The following SYCP1 variants were observed in gnomAD, a reference collection of about 807,000 sequenced individuals.
The protein encoded by SYCP1 is cancer/testis antigen 8.
In SYCP1, 64 loss-of-function variants were observed where a neutral mutation model predicts 153.1. The ratio of observed to expected loss-of-function variants is 0.42; its 90% confidence interval spans 0.34 to 0.51. The LOEUF (loss-of-function observed/expected upper bound fraction) is 0.51, where lower values mean the gene tolerates loss of function less well. Ranked by LOEUF, SYCP1 falls within the 20% of genes least tolerant of loss-of-function variation. The pLI is 0.06. For missense variants in SYCP1, 997 were observed against 1,049.0 expected, an observed-to-expected ratio of 0.95 and a Z score of 0.68; for synonymous variants, 384 against 341.8, an observed-to-expected ratio of 1.12 and a Z score of -1.36.
At chr1:114,894,050 T>A (rs967657766) in intron 15 of SYCP1, among the ~76,000 whole-genome samples, 1 of 151,900 alleles carries the variant, frequency 6.6e-6, no homozygotes, top group Non-Finnish European at 1.5e-5. Context: ...CTTTTATATA[T>A]ATTTTTTCTC....
chr1:114,951,103 C>T (rs898234959), intron 27 of SYCP1, among the ~76,000 whole-genome samples: 5 of 152,056 alleles, frequency 3.3e-5, no homozygotes, highest in African/African-American at 7.3e-5. Context: ...GGATTACAGG[C>T]GTGAGCCACC....
In SYCP1 at chr1:114,913,999, A is replaced by G; in HGVS notation, c.1672A>G (p.Met558Val). The change falls in exon 20 of 32, where the codon ATG becomes GTG. Residue 558 changes from methionine (M) to valine (V), a missense_variant. Around this residue, in one of 2 missense-constraint regions of SYCP1, gnomAD observed 712 missense variants for 682.9 expected, o/e 1.04. Transcript: ENST00000369522. ...GAATAACAAAAAGCAAGAAGAAAGG[A>G]TGTTGAAACAAATAGAAAATCTTCA... is the stretch of plus-strand genomic sequence containing the variant. ...INNNKKQEER[M>V]LKQIENLQET... 1 of 1,578,284 alleles carries G rather than the reference A, an allele frequency of 6.3e-7. No individual in the cohort carries two copies. The highest frequency in any genetic ancestry group is 1.8e-5 in the Admixed American group (1 of 55,172).
intron 27 of SYCP1, 149 bp downstream of exon 27, chr1:114,947,469 C>A: frequency 1.7e-6 from 1 of 600,060 alleles, no homozygotes; most frequent in Non-Finnish European, 2.9e-6. Context: ...TTTCTAGAAA[C>A]ATTTAGAATA....
intron 15 of SYCP1, among the ~76,000 whole-genome samples, chr1:114,893,690 T>C (rs1391446419): frequency 2.0e-5 from 3 of 152,208 alleles, no homozygotes; most frequent in African/African-American, 7.2e-5. Flanking sequence ...ACTCTCTAAG[T>C]ATAAGTATTC....
intron 29 of SYCP1, 125 bp from the exon 30 acceptor site, chr1:114,984,600 C>T: frequency 1.4e-6 from 1 of 728,850 alleles, no homozygotes; most frequent in Non-Finnish European, 1.9e-6. Context: ...CATATACTTG[C>T]CAATAATAAT....
chr1:114,926,291 G>A lies in SYCP1; in HGVS notation c.1814G>A (p.Arg605Lys). 1 of 1,522,910 alleles carries A rather than the reference G, an allele frequency of 6.6e-7. No individual in the cohort carries two copies. Among genetic ancestry groups the A allele is most frequent in the Non-Finnish European group, 8.8e-7 (1 of 1,130,204 alleles). 94.3% of individuals were successfully genotyped at this position (1,522,910 alleles called of 1,614,324 possible). The change falls in exon 22 of 32, where the codon AGG (arginine) becomes AAG (lysine). Residue 605 changes from arginine (R) to lysine (K), a missense_variant. By Grantham distance (26) the Arg-to-Lys change is conservative. This residue lies in a region of SYCP1 where 712 missense variants were observed against 682.9 expected (regional missense o/e 1.04). Transcript: ENST00000369522. ...DKSEENCNNL[R>K]KQVENKNKYI... ...ACAATTTTTTAGTGTAACAATTTAAGGAAACAAGTTGAAAATAAAAACAAG... is the reference window on the plus strand; with the variant it reads ...ACAATTTTTTAGTGTAACAATTTAAAGAAACAAGTTGAAAATAAAAACAAG...
At chr1:114,966,604 C>T (rs1013617228) in intron 27 of SYCP1, among the ~76,000 whole-genome samples, 5 of 151,676 alleles carry the variant, frequency 3.3e-5, no homozygotes, top group African/African-American at 1.2e-4. Flanking sequence ...TGTTACTTAC[C>T]CAGTAGTCAT....
intron 13 of SYCP1, 72 bp downstream of exon 13, chr1:114,885,701 A>C (rs1335721436): frequency 1.1e-6 from 1 of 873,522 alleles, no homozygotes; most frequent in South Asian, 1.8e-5. Context: ...TTTATTAAAT[A>C]CTAATACAAT....
At chr1:114,867,308 A>G (rs1300596994) in intron 8 of SYCP1, among the ~76,000 whole-genome samples, 1 of 152,064 alleles carries the variant, frequency 6.6e-6, no homozygotes, top group Non-Finnish European at 1.5e-5. Flanking sequence ...TGAGATTTTT[A>G]TTGGGATTGC....
chr1:114,958,771 A>C (rs930714863), intron 27 of SYCP1, among the ~76,000 whole-genome samples: 1 of 150,266 alleles, frequency 6.7e-6, no homozygotes, highest in African/African-American at 2.4e-5. Flanking sequence ...AAAAAAAAAA[A>C]AAAAAAAAAT....
intron 8 of SYCP1, among the ~76,000 whole-genome samples, chr1:114,865,213 A>T (rs1052208059): frequency 1.3e-5 from 2 of 151,024 alleles, no homozygotes; most frequent in African/African-American, 4.9e-5. Context: ...CCTGGGGTCC[A>T]TTTCTGTGAT....
At chr1:114,873,056 G>A (rs1158497967) in intron 8 of SYCP1, among the ~76,000 whole-genome samples, 1 of 152,012 alleles carries the variant, frequency 6.6e-6, no homozygotes, top group African/African-American at 2.4e-5. Flanking sequence ...CTATTCTTGC[G>A]TGATGTCTAC....
chr1:114,885,276 T>C (rs1666217259), intron 12 of SYCP1, among the ~76,000 whole-genome samples: 1 of 152,174 alleles, frequency 6.6e-6, no homozygotes, highest in Non-Finnish European at 1.5e-5. Context: ...TTTGGATATT[T>C]AGGTAGTTTC....
At position 114,858,722 on chromosome 1, in the gene SYCP1, A is replaced by G. The variant is rs1664174886; in HGVS notation, c.456+11A>G. 1 of 1,601,182 alleles carries G rather than the reference A, an allele frequency of 6.2e-7. No individual in the cohort carries two copies. Among genetic ancestry groups the G allele is most frequent in the East Asian group, 2.2e-5 (1 of 44,692 alleles). Reference sequence around the variant, plus strand: ...ATTCAGGAACTGCAAGTATGACACAATTTTGCATTGTAAACATAGTATAGT... The same window carrying G: ...ATTCAGGAACTGCAAGTATGACACAGTTTTGCATTGTAAACATAGTATAGT... On this transcript the variant is annotated intron_variant, in intron 6 of 31. Transcript: ENST00000369522.
Position 114,931,632 on chromosome 1 carries a change from G to A in SYCP1, c.1926+5069G>A, listed in dbSNP as rs116083550. Among the ~76,000 whole-genome samples the A allele has an allele frequency of 1.8e-3, 270 of 152,220 alleles. 1 individual carries two copies. Among genetic ancestry groups the A allele is most frequent in the African/African-American group, 6.4e-3 (264 of 41,550 alleles). ...ATATTCACTGATTGGATGTTTTAAT[G>A]TTTTTAAAATGTCAGATTTCACTGA... On this transcript the variant is annotated intron_variant, in intron 23 of 31. Coordinates refer to ENST00000369522, the MANE Select transcript of SYCP1 (RefSeq NM_003176.4).
chr1:114,968,749 A>G (rs895996726), intron 27 of SYCP1, among the ~76,000 whole-genome samples: 1 of 152,094 alleles, frequency 6.6e-6, no homozygotes. Context: ...TTTGGAGGAG[A>G]AGAGGCATTC....
chr1:114,865,894 T>C (rs972360774), intron 8 of SYCP1, among the ~76,000 whole-genome samples: 2 of 152,236 alleles, frequency 1.3e-5, no homozygotes, highest in African/African-American at 4.8e-5. Flanking sequence ...TCCATAATTT[T>C]GCCTTTTCCA....
Position 114,944,932 on chromosome 1 carries a change from C to T in SYCP1, c.2104C>T (p.Arg702Ter). ...AVKLQKEIDK[R>*]CQHKIAEMVA... ...AAAATTACAGAAAGAAATTGATAAG[C>T]GATGTCAACATAAAATAGCTGAAAT... is the stretch of plus-strand genomic sequence containing the variant. Residue 702 changes from arginine to a stop codon, truncating the protein, a stop_gained, in exon 25 of 32, where the codon CGA becomes TGA. Transcript: ENST00000369522. LOFTEE classifies it high-confidence loss of function. The T allele has an allele frequency of 6.2e-7, 1 of 1,601,562 alleles. No individual in the cohort carries two copies. Among genetic ancestry groups the T allele is most frequent in the South Asian group, 1.1e-5 (1 of 88,186 alleles).
In SYCP1 at chr1:114,907,264, C is replaced by T. The variant is rs115170956; in HGVS notation, c.1321-3133C>T. Among the ~76,000 whole-genome samples, 1,004 of 152,136 alleles carry T rather than the reference C, an allele frequency of 6.6e-3. 15 individuals carry two copies. Among genetic ancestry groups the T allele is most frequent in the African/African-American group, 0.023 (937 of 41,486 alleles). ...TTGGGTCTTCTTTCTTTATGCACTC[C>T]GACAATCACTGCTAATTGGAGAATT... On this transcript the variant is annotated intron_variant, in intron 16 of 31. Coordinates refer to ENST00000369522, the MANE Select transcript of SYCP1 (RefSeq NM_003176.4).
Sources: allele counts gnomAD v4.1 joint callset (sites outside exome capture counted in the v4.1 genomes callset), GRCh38; gene constraint gnomAD v4.1.1; regional missense constraint gnomAD v4.1.1; transcripts MANE v1.5; gene names NCBI Gene and HGNC (gene_info 2026-07-23, HGNC 2026-07-21).